Variants in MYO3B observed in about 807,000 individuals in gnomAD.
The protein encoded by MYO3B is myosin IIIB, also known as myosin-IIIb.
Under a neutral mutation model 174.6 loss-of-function variants are expected in MYO3B, and 156 were observed. That is an observed-to-expected ratio of 0.89 (90% CI 0.78 to 1.02). The LOEUF (loss-of-function observed/expected upper bound fraction) is 1.02. Ranked by LOEUF, MYO3B falls within the 50% of genes least tolerant of loss-of-function variation. MYO3B has a pLI of 0.00. For missense variants in MYO3B, 1,632 were observed against 1,639.4 expected (o/e 1.00, Z 0.08); for synonymous variants, 563 against 569.1 (o/e 0.99, Z 0.15).
chr2:170,306,460 A>G (rs550179022), intron 7 of MYO3B, among the ~76,000 whole-genome samples: 34 of 152,234 alleles, frequency 2.2e-4, no homozygotes, highest in African/African-American at 7.9e-4. Flanking sequence ...TGTTTTATGA[A>G]CTCCAGAAAT....
At chr2:170,222,253 G>A (rs2092909151) in intron 6 of MYO3B, among the ~76,000 whole-genome samples, 1 of 152,178 alleles carries the variant, frequency 6.6e-6, no homozygotes, top group Admixed American at 6.5e-5. Context: ...CACAGGTGAA[G>A]GCACTCATGG....
At chr2:170,368,794 G>A (rs13402202) in intron 8 of MYO3B, among the ~76,000 whole-genome samples, 11,747 of 152,084 alleles carry the variant, frequency 0.077, 1,458 homozygotes, top group African/African-American at 0.26. Context: ...GGTAAACAAG[G>A]GGCATTTCAT....
At chr2:170,409,579 T>C (rs768185610) in intron 22 of MYO3B, among the ~76,000 whole-genome samples, 3 of 152,232 alleles carry the variant, frequency 2.0e-5, no homozygotes, top group Non-Finnish European at 4.4e-5. Context: ...GCCACAAACA[T>C]CAAAACTTAT....
At chr2:170,252,582 C>T (rs891559298) in intron 7 of MYO3B, among the ~76,000 whole-genome samples, 40 of 152,192 alleles carry the variant, frequency 2.6e-4, no homozygotes, top group African/African-American at 8.9e-4. Flanking sequence ...TGGCAATAAA[C>T]AAAACAGTCC....
chr2:170,179,623 C>G (rs1249369073), intron 1 of MYO3B, among the ~76,000 whole-genome samples: 2 of 152,136 alleles, frequency 1.3e-5, no homozygotes, highest in Non-Finnish European at 2.9e-5. Context: ...GTGAGACCTT[C>G]CACCATGTTA....
rs370333686 is a variant in MYO3B at position 170,383,100 on chromosome 2, C to T, written c.1096C>T (p.Arg366Cys). Residue 366 changes from arginine (R) to cysteine (C), a missense_variant, in exon 11 of 35, where the codon CGT becomes TGT. Physicochemically the swap from Arg to Cys is radical, Grantham distance 180. Coordinates refer to ENST00000408978, the MANE Select transcript of MYO3B (RefSeq NM_138995.5). Reference protein sequence around the residue: ...EDTIIHQLQKRYADLLIYTYV... With the variant: ...EDTIIHQLQKCYADLLIYTYV... ...TACAATTATCCATCAGTTGCAGAAA[C>T]GTTATGCAGACTTGCTAATTTACAC... 17 of 1,612,142 alleles carry T rather than the reference C, an allele frequency of 1.1e-5. No homozygotes were observed. Among genetic ancestry groups the T allele is most frequent in the Middle Eastern group, 1.6e-4 (1 of 6,078 alleles).
intron 6 of MYO3B, among the ~76,000 whole-genome samples, chr2:170,221,249 A>G (rs1054661799): frequency 6.6e-6 from 1 of 152,172 alleles, no homozygotes; most frequent in Non-Finnish European, 1.5e-5. Context: ...TGCCAGTGGA[A>G]TAAGAGCATT....
intron 32 of MYO3B, among the ~76,000 whole-genome samples, chr2:170,586,974 G>A (rs898830344): frequency 1.3e-5 from 2 of 152,164 alleles, no homozygotes; most frequent in African/African-American, 2.4e-5. Context: ...AACTCAATTC[G>A]TATGGATTTT....
intron 32 of MYO3B, among the ~76,000 whole-genome samples, chr2:170,640,122 T>G (rs1280057316): frequency 6.6e-6 from 1 of 152,164 alleles, no homozygotes; most frequent in Non-Finnish European, 1.5e-5. Flanking sequence ...TGGCTACAAA[T>G]TAAAATCACT....
chr2:170,187,776 T>C (rs1286462885), intron 1 of MYO3B, among the ~76,000 whole-genome samples: 2 of 152,194 alleles, frequency 1.3e-5, no homozygotes, highest in Non-Finnish European at 2.9e-5. Context: ...TTTGTACAGT[T>C]TCCAAAATTC....
chr2:170,463,314 G>T lies in MYO3B; in HGVS notation c.2731-54G>T, dbSNP rs575261992. 5 of 1,512,316 alleles carry T rather than the reference G, an allele frequency of 3.3e-6. No homozygotes were observed. In the East Asian group the frequency reaches 1.1e-4, roughly 34 times the overall value. The allele number at this position is 1,512,316 out of a possible 1,614,324, so 93.7% of individuals were successfully genotyped here. On this transcript the variant is annotated intron_variant, in intron 23 of 34. Coordinates refer to ENST00000408978, the MANE Select transcript of MYO3B (RefSeq NM_138995.5). ...GCTTTCGGATTTTGGAAGACATGGA[G>T]CATGAGGTAAGTGCCTAGATCCTCA...
Position 170,235,978 on chromosome 2 carries a change from T to C in MYO3B, c.604-13T>C. Reference sequence around the variant, plus strand: ...GTAGGGTTGATGTGTCATGTCCTGCTTTTGTCCAATAGGTCATTGCCTGTG... The same window carrying C: ...GTAGGGTTGATGTGTCATGTCCTGCCTTTGTCCAATAGGTCATTGCCTGTG... On this transcript the variant is annotated splice_polypyrimidine_tract_variant and intron_variant, in intron 6 of 34. Coordinates refer to ENST00000408978, the MANE Select transcript of MYO3B (RefSeq NM_138995.5). 6.2e-7 allele frequency: 1 copy of C among 1,613,818 alleles called. No homozygotes were observed. The highest frequency in any genetic ancestry group is 1.1e-5 in the South Asian group (1 of 91,038).
At chr2:170,364,840 C>T (rs1432424863) in intron 8 of MYO3B, among the ~76,000 whole-genome samples, 2 of 152,146 alleles carry the variant, frequency 1.3e-5, no homozygotes, top group South Asian at 4.1e-4. Flanking sequence ...AACAATTATA[C>T]CTTAGTTAAA....
chr2:170,187,840 T>A (rs1574544940), intron 1 of MYO3B, among the ~76,000 whole-genome samples: 2 of 152,314 alleles, frequency 1.3e-5, no homozygotes, highest in Middle Eastern at 3.4e-3. Flanking sequence ...AGATACTTGA[T>A]ATAATTTCAA....
chr2:170,584,995 C>A (rs1575202880), intron 32 of MYO3B, among the ~76,000 whole-genome samples: 1 of 152,338 alleles, frequency 6.6e-6, no homozygotes, highest in East Asian at 1.9e-4. Flanking sequence ...TCCTCTCATG[C>A]AGCAGTTCTC....
At chr2:170,385,541 C>CT (rs1345692611) in intron 12 of MYO3B, among the ~76,000 whole-genome samples, 2 of 151,998 alleles carry the variant, frequency 1.3e-5, no homozygotes, top group African/African-American at 4.8e-5. Context: ...TCCTTTATAC[C>CT]TAAAGAGCTC....
intron 7 of MYO3B, among the ~76,000 whole-genome samples, chr2:170,252,031 A>G (rs1176140028): frequency 6.6e-6 from 1 of 152,226 alleles, no homozygotes; most frequent in Admixed American, 6.5e-5. Flanking sequence ...TACCTCTCTC[A>G]TCATTAGGCT....
chr2:170,494,089 A>G (rs1389739449), intron 25 of MYO3B, among the ~76,000 whole-genome samples: 1 of 152,256 alleles, frequency 6.6e-6, no homozygotes, highest in African/African-American at 2.4e-5. Flanking sequence ...ATTTTGAAGT[A>G]ATTTGTTATA....
intron 25 of MYO3B, among the ~76,000 whole-genome samples, chr2:170,479,046 G>A (rs773955727): frequency 3.9e-4 from 59 of 150,412 alleles, no homozygotes; most frequent in Non-Finnish European, 7.4e-4. Context: ...CACTTTGGGA[G>A]GCCGAGGCGG....
Sources: gnomAD v4.1 joint callset for allele counts (sites outside exome capture counted in the v4.1 genomes callset) on GRCh38, gnomAD v4.1.1 for gene constraint, MANE v1.5 for transcripts, NCBI Gene and HGNC (gene_info 2026-07-23, HGNC 2026-07-21) for gene names.